TOX3: variants seen among roughly 807,000 people sequenced by gnomAD.
TOX3 encodes TOX high mobility group box family member 3, also known as CAG trinucleotide repeat-containing gene F9 protein.
TOX3 carries 22 observed loss-of-function variants against 64.3 expected under a neutral mutation model. The observed-to-expected ratio is 0.34, with a 90% CI of 0.24 to 0.49. TOX3 has a LOEUF of 0.49. Among genes scored for constraint, TOX3 ranks in the 20% least tolerant of loss-of-function variants. The probability of loss-of-function intolerance (pLI) is 0.99; values close to 1 mark genes in which losing one functional copy is unlikely to be tolerated. For missense variants in TOX3, 661 were observed against 714.4 expected (o/e 0.93, Z 0.85); for synonymous variants, 291 against 273.6 (o/e 1.06, Z -0.63).
intron 1 of TOX3, among the ~76,000 whole-genome samples, chr16:52,504,466 C>CA (rs71141197): frequency 0.089 from 8,398 of 93,900 alleles, 621 homozygotes; most frequent in African/African-American, 0.21. Context: ...GACTCCGTCT[C>CA]AAAAAAAAAA....
intron 1 of TOX3, among the ~76,000 whole-genome samples, chr16:52,504,463 T>C (rs953479745): frequency 1.0e-5 from 1 of 99,260 alleles, no homozygotes. Context: ...CGAGACTCCG[T>C]CTCAAAAAAA....
intron 1 of TOX3, among the ~76,000 whole-genome samples, chr16:52,518,021 G>A (rs1962502968): frequency 6.6e-6 from 1 of 152,098 alleles, no homozygotes; most frequent in African/African-American, 2.4e-5. Context: ...TTCTGATAAT[G>A]TTGAACCACC....
chr16:52,443,189 C>T (rs867857400), intron 6 of TOX3, among the ~76,000 whole-genome samples: 1 of 152,338 alleles, frequency 6.6e-6, no homozygotes, highest in Middle Eastern at 3.4e-3. Flanking sequence ...TTCTTAACAT[C>T]TGCAGCCCAC....
chr16:52,482,861 G>C (rs1282010219), intron 1 of TOX3, among the ~76,000 whole-genome samples: 1 of 152,174 alleles, frequency 6.6e-6, no homozygotes, highest in Admixed American at 6.5e-5. Context: ...ATTCCACAGT[G>C]CTGGTTAATA....
chr16:52,510,159 A>C (rs1212393870), intron 1 of TOX3, among the ~76,000 whole-genome samples: 1 of 152,032 alleles, frequency 6.6e-6, no homozygotes, highest in Non-Finnish European at 1.5e-5. Context: ...AAAAAAAAAA[A>C]AATGCCACTA....
chr16:52,537,296 C>T (rs568706807), intron 1 of TOX3, among the ~76,000 whole-genome samples: 1 of 152,224 alleles, frequency 6.6e-6, no homozygotes, highest in East Asian at 1.9e-4. Context: ...TCTCAACCAA[C>T]CACATCTCCC....
chr16:52,483,274 T>A (rs898427697), intron 1 of TOX3, among the ~76,000 whole-genome samples: 1 of 152,140 alleles, frequency 6.6e-6, no homozygotes, highest in South Asian at 2.1e-4. Flanking sequence ...AAAGGGTGCA[T>A]ATCAAAGGAA....
intron 6 of TOX3, among the ~76,000 whole-genome samples, chr16:52,443,766 A>C (rs1850690663): frequency 6.6e-6 from 1 of 152,186 alleles, no homozygotes; most frequent in Non-Finnish European, 1.5e-5. Context: ...TACTCTCTAT[A>C]TAATACATGT....
chr16:52,547,009 G>C lies in TOX3; in HGVS notation c.-286C>G, dbSNP rs993846133. 111 of 948,882 alleles carry C rather than the reference G, an allele frequency of 1.2e-4. No homozygotes were observed. The African/African-American group carries it at 1.9e-3, about 16-fold the overall frequency. 58.8% of individuals were successfully genotyped at this position (948,882 alleles called of 1,614,324 possible). A position where few individuals can be genotyped will look rare whatever the true frequency, so the allele number is the denominator to read the frequency against. ...CGCGGGCCGGGCGCCGGGGGCGCGG[G>C]GCGCGGCGCTGGGGCCCGGGTCGGC... On this transcript the variant is annotated 5_prime_UTR_variant, in exon 1 of 7. Coordinates refer to ENST00000219746, the MANE Select transcript of TOX3 (RefSeq NM_001080430.4).
At chr16:52,460,661 C>G (rs1212440066) in intron 3 of TOX3, among the ~76,000 whole-genome samples, 1 of 151,928 alleles carries the variant, frequency 6.6e-6, no homozygotes, top group Non-Finnish European at 1.5e-5. Flanking sequence ...TAAATCTGAA[C>G]AGCATTTTAT....
intron 1 of TOX3, among the ~76,000 whole-genome samples, chr16:52,477,328 A>C (rs1291491806): frequency 6.6e-6 from 1 of 152,194 alleles, no homozygotes; most frequent in Non-Finnish European, 1.5e-5. Flanking sequence ...AATATATTAA[A>C]TAAGAGTGTC....
intron 1 of TOX3, among the ~76,000 whole-genome samples, chr16:52,545,745 G>C (rs1963161351): frequency 6.6e-6 from 1 of 152,156 alleles, no homozygotes; most frequent in Non-Finnish European, 1.5e-5. Context: ...GGCGCTGGGG[G>C]CTTCAGGGAG....
chr16:52,497,839 CTT>C (rs1435428399), intron 1 of TOX3, among the ~76,000 whole-genome samples: 2 of 151,870 alleles, frequency 1.3e-5, no homozygotes, highest in African/African-American at 4.8e-5. Context: ...GGGGAAAATA[CTT>C]TTCATAACAA....
At chr16:52,505,344 T>C (rs1386356948) in intron 1 of TOX3, among the ~76,000 whole-genome samples, 1 of 152,202 alleles carries the variant, frequency 6.6e-6, no homozygotes, top group African/African-American at 2.4e-5. Context: ...TAACTTCTCA[T>C]TCCAATAAAA....
intron 1 of TOX3, among the ~76,000 whole-genome samples, chr16:52,518,195 C>T (rs1325689105): frequency 6.6e-6 from 1 of 152,048 alleles, no homozygotes; most frequent in Non-Finnish European, 1.5e-5. Context: ...ATATCTTTTC[C>T]GTATATACTT....
rs367818781 is a variant in TOX3 at position 52,481,900 on chromosome 16, A to G, written c.88-13326T>C. 3.7e-4 allele frequency among the ~76,000 whole-genome samples: 57 copies of G among 152,310 alleles called. 1 individual carries two copies. The highest frequency in any genetic ancestry group is 1.3e-3 in the African/African-American group (55 of 41,562). On this transcript the variant is annotated intron_variant, in intron 1 of 6. Transcript: ENST00000219746. ...TATCTAAAATCTTTTACTAGGAAAGAGCTCACATGAGACTCTAAATCCCAC... is the reference window on the plus strand; with the variant it reads ...TATCTAAAATCTTTTACTAGGAAAGGGCTCACATGAGACTCTAAATCCCAC...
chr16:52,457,620 T>C (rs962530414), intron 3 of TOX3, among the ~76,000 whole-genome samples: 4 of 152,172 alleles, frequency 2.6e-5, no homozygotes, highest in Non-Finnish European at 4.4e-5. Context: ...TAACTGCAAA[T>C]AGGAAATGCA....
chr16:52,505,277 G>C (rs571705879), intron 1 of TOX3, among the ~76,000 whole-genome samples: 1 of 152,170 alleles, frequency 6.6e-6, no homozygotes, highest in Non-Finnish European at 1.5e-5. Context: ...AAGAATCAAC[G>C]CAATCAAATC....
At chr16:52,534,909 A>C (rs1040275416) in intron 1 of TOX3, among the ~76,000 whole-genome samples, 2 of 152,210 alleles carry the variant, frequency 1.3e-5, no homozygotes, top group African/African-American at 4.8e-5. Flanking sequence ...CCTAAAATGC[A>C]GGTAATCAAT....
Sources: gnomAD v4.1 joint callset for allele counts (sites outside exome capture counted in the v4.1 genomes callset) on GRCh38, gnomAD v4.1.1 for gene constraint, MANE v1.5 for transcripts, NCBI Gene and HGNC (gene_info 2026-07-23, HGNC 2026-07-21) for gene names.